RBFOX1: variants seen among roughly 807,000 people sequenced by gnomAD.
The protein encoded by RBFOX1 is RNA binding fox-1 homolog 1, also known as RNA binding protein fox-1 homolog 1.
In RBFOX1, 8 loss-of-function variants were observed where a neutral mutation model predicts 57.7. The ratio of observed to expected loss-of-function variants is 0.14; its 90% CI spans 0.08 to 0.25. RBFOX1 has a LOEUF of 0.25. Ranked by LOEUF, RBFOX1 falls within the 10% of genes least tolerant of loss-of-function variation. The pLI is 1.00. For missense variants in RBFOX1, 611 were observed against 548.5 expected (o/e 1.11, Z -1.14); for synonymous variants, 326 against 222.4 (o/e 1.47, Z -4.15).
chr16:7,075,986 G>C (rs2058222208), intron 4 of RBFOX1, among the ~76,000 whole-genome samples: 1 of 150,766 alleles, frequency 6.6e-6, no homozygotes, highest in South Asian at 2.1e-4. Context: ...TTCCCTATTA[G>C]TCCCCTAAAC....
chr16:7,506,651 C>G (rs1479956381), intron 4 of RBFOX1, among the ~76,000 whole-genome samples: 1 of 152,126 alleles, frequency 6.6e-6, no homozygotes, highest in Non-Finnish European at 1.5e-5. Flanking sequence ...GATTCAGTAA[C>G]AAGAATTCTT....
chr16:6,489,043 C>T (rs923277146), intron 2 of RBFOX1, among the ~76,000 whole-genome samples: 5 of 152,192 alleles, frequency 3.3e-5, no homozygotes, highest in Non-Finnish European at 7.4e-5. Context: ...AAAATTGTTA[C>T]AGCTGCTTCC....
At chr16:6,178,548 A>G (rs2097033228) in intron 1 of RBFOX1, among the ~76,000 whole-genome samples, 2 of 152,144 alleles carry the variant, frequency 1.3e-5, no homozygotes, top group East Asian at 3.9e-4. Context: ...TAGAATTCCC[A>G]TCACTGATGG....
At chr16:6,386,994 G>C (rs2092329116) in intron 2 of RBFOX1, among the ~76,000 whole-genome samples, 1 of 152,176 alleles carries the variant, frequency 6.6e-6, no homozygotes. Flanking sequence ...ATGAAGCTCA[G>C]AGAGTACCCA....
intron 3 of RBFOX1, among the ~76,000 whole-genome samples, chr16:6,805,203 A>T (rs1009534838): frequency 6.6e-6 from 1 of 152,228 alleles, no homozygotes; most frequent in East Asian, 1.9e-4. Context: ...ATGGAATACT[A>T]TGCAGCCATA....
chr16:6,768,890 G>A (rs75489926), intron 3 of RBFOX1, among the ~76,000 whole-genome samples: 2,993 of 151,866 alleles, frequency 0.02, 112 homozygotes, highest in African/African-American at 0.068. Flanking sequence ...CGTCATGCTC[G>A]GCTAATTTTT....
rs58769732 is a variant in RBFOX1 at position 6,163,269 on chromosome 16, C to A, written c.-127+143277C>A. Among the ~76,000 whole-genome samples the A allele has an allele frequency of 1.4e-3, 217 of 152,168 alleles. 1 individual carries two copies. Among genetic ancestry groups the A allele is most frequent in the African/African-American group, 3.4e-3 (140 of 41,522 alleles). On this transcript the variant is annotated intron_variant, in intron 1 of 15. Transcript: ENST00000550418. ...TAGAGTGTTTCATACGTTACTTTTG[C>A]GGGGAGGTAAAGACCAGAGAATGAG...
Position 6,977,334 on chromosome 16 carries a change from C to G in RBFOX1, c.-15-74723C>G, listed in dbSNP as rs28757727. Among the ~76,000 whole-genome samples, 629 of 152,006 alleles carry G rather than the reference C, an allele frequency of 4.1e-3. 11 individuals are homozygous for G. Among genetic ancestry groups the G allele is most frequent in the African/African-American group, 0.015 (603 of 41,454 alleles). ...GTTTTGCAAGAATTGATATTATGAT[C>G]TTTGAAGCAAAATTAGGAATGCCTT... On this transcript the variant is annotated intron_variant, in intron 3 of 15. Coordinates refer to ENST00000550418, the MANE Select transcript of RBFOX1 (RefSeq NM_018723.4).
At chr16:7,109,474 A>G (rs1465099697) in intron 4 of RBFOX1, among the ~76,000 whole-genome samples, 1 of 152,104 alleles carries the variant, frequency 6.6e-6, no homozygotes, top group Non-Finnish European at 1.5e-5. Flanking sequence ...GTATGGAAGG[A>G]AGGTGGTGCA....
intron 3 of RBFOX1, among the ~76,000 whole-genome samples, chr16:5,639,045 C>T (rs976910232): frequency 2.0e-5 from 3 of 152,186 alleles, no homozygotes; most frequent in Non-Finnish European, 4.4e-5. Context: ...TTACTCTTGT[C>T]CTCTTCACTA....
chr16:7,235,418 A>G (rs963744490), intron 4 of RBFOX1, among the ~76,000 whole-genome samples: 1 of 152,204 alleles, frequency 6.6e-6, no homozygotes. Flanking sequence ...AAAAGAACAG[A>G]CAGAGATGTA....
upstream of RBFOX1, among the ~76,000 whole-genome samples, chr16:6,015,688 G>T (rs1194021650): frequency 6.6e-6 from 1 of 152,154 alleles, no homozygotes; most frequent in Non-Finnish European, 1.5e-5. Flanking sequence ...TCTCCTTCGG[G>T]AATATCCATC....
intron 1 of RBFOX1, among the ~76,000 whole-genome samples, chr16:5,408,899 C>T (rs1484661273): frequency 6.6e-6 from 1 of 152,192 alleles, no homozygotes; most frequent in Non-Finnish European, 1.5e-5. Context: ...GGTGTTACAC[C>T]ATTCATGAGA....
chr16:7,112,679 G>GCGTGT (rs369771164), intron 4 of RBFOX1, among the ~76,000 whole-genome samples: 1 of 141,898 alleles, frequency 7.0e-6, no homozygotes, highest in East Asian at 2.1e-4. Flanking sequence ...TGTGTGTGTG[G>GCGTGT]GTGTGGGTGT....
chr16:7,661,356 G>A (rs184485523), intron 12 of RBFOX1, among the ~76,000 whole-genome samples: 3 of 152,120 alleles, frequency 2.0e-5, no homozygotes, highest in Non-Finnish European at 2.9e-5. Flanking sequence ...ATGCTTATAC[G>A]TTTCCCCCCA....
At chr16:5,549,571 C>T (rs996501719) in intron 2 of RBFOX1, among the ~76,000 whole-genome samples, 2 of 152,102 alleles carry the variant, frequency 1.3e-5, no homozygotes, top group Non-Finnish European at 2.9e-5. Flanking sequence ...ATGTATTTTC[C>T]TAAACTTGAC....
intron 2 of RBFOX1, among the ~76,000 whole-genome samples, chr16:6,611,501 G>C (rs1033406153): frequency 6.6e-6 from 1 of 152,066 alleles, no homozygotes; most frequent in South Asian, 2.1e-4. Flanking sequence ...GGTCTCCTTG[G>C]ATGCTCTTTG....
chr16:6,806,837 T>TATATATATTTATATATATATATA (rs1491107829), intron 3 of RBFOX1, among the ~76,000 whole-genome samples: 8 of 68,904 alleles, frequency 1.2e-4, no homozygotes, highest in Non-Finnish European at 1.7e-4. Context: ...TATATATATA[T>TATATATATTTATATATATATATA]TTTTTTTTTT....
At chr16:7,493,293 T>A (rs1276573375) in intron 4 of RBFOX1, among the ~76,000 whole-genome samples, 1 of 152,218 alleles carries the variant, frequency 6.6e-6, no homozygotes, top group South Asian at 2.1e-4. Context: ...TGGCTAGAGT[T>A]TCCTGTGTTA....
Sources: allele counts gnomAD v4.1 joint callset (sites outside exome capture counted in the v4.1 genomes callset), GRCh38; gene constraint gnomAD v4.1.1; transcripts MANE v1.5; gene names NCBI Gene and HGNC (gene_info 2026-07-23, HGNC 2026-07-21).